The following SUPT3H variants were observed in gnomAD, a reference collection of about 807,000 sequenced individuals.
SUPT3H encodes the protein transcription initiation protein SPT3 homolog.
SUPT3H carries 44 observed loss-of-function variants against 44.3 expected under a neutral mutation model. The observed-to-expected ratio is 0.99, with a 90% CI of 0.78 to 1.28. The LOEUF (loss-of-function observed/expected upper bound fraction) is 1.28. Among genes scored for constraint, SUPT3H ranks in the 50% most tolerant of loss-of-function variants. The pLI is 0.00. For synonymous variants in SUPT3H, 124 were observed against 125.6 expected (o/e 0.99, Z 0.09); for missense variants, 380 against 387.1 (o/e 0.98, Z 0.15).
At chr6:45,211,924 G>A (rs1764161416) in intron 2 of SUPT3H, among the ~76,000 whole-genome samples, 1 of 151,596 alleles carries the variant, frequency 6.6e-6, no homozygotes, top group African/African-American at 2.4e-5. Context: ...AGCACTTTGG[G>A]AGGCTGAGGT....
chr6:45,208,414 T>A (rs1176716093), intron 2 of SUPT3H, among the ~76,000 whole-genome samples: 1 of 152,180 alleles, frequency 6.6e-6, no homozygotes, highest in Non-Finnish European at 1.5e-5. Flanking sequence ...AGATCACTGA[T>A]GAAGATGGCT....
chr6:45,252,259 TGAGA>T (rs1302724443), intron 2 of SUPT3H, among the ~76,000 whole-genome samples: 1 of 152,186 alleles, frequency 6.6e-6, no homozygotes, highest in Admixed American at 6.5e-5. Context: ...TCACAGTTCA[TGAGA>T]GAGAGGTAAA....
chr6:45,248,513 T>C (rs892136503), intron 2 of SUPT3H, among the ~76,000 whole-genome samples: 1 of 152,008 alleles, frequency 6.6e-6, no homozygotes, highest in African/African-American at 2.4e-5. Context: ...CACTAGGAAA[T>C]GCAAAAGAAA....
rs187989582 is a variant in SUPT3H at position 45,033,817 on chromosome 6, G to C, written c.187-13185C>G. 4.7e-4 allele frequency among the ~76,000 whole-genome samples: 71 copies of C among 152,242 alleles called. No homozygotes were observed. In the East Asian group the frequency reaches 8.7e-3, roughly 19 times the overall value. On this transcript the variant is annotated intron_variant, in intron 3 of 10. Coordinates refer to ENST00000371459, the MANE Select transcript of SUPT3H (RefSeq NM_003599.4). Reference sequence around the variant, plus strand: ...CCTACCCATCTTGAGTTAGTGTTCAGTTAGATACTAGCCATGATGAATTTT... The same window carrying C: ...CCTACCCATCTTGAGTTAGTGTTCACTTAGATACTAGCCATGATGAATTTT...
chr6:45,308,479 C>T (rs7381990), intron 2 of SUPT3H, among the ~76,000 whole-genome samples: 1 of 152,140 alleles, frequency 6.6e-6, no homozygotes, highest in Non-Finnish European at 1.5e-5. Context: ...CCCAGAATTG[C>T]ATATCCAGCC....
intron 2 of SUPT3H, among the ~76,000 whole-genome samples, chr6:45,324,104 C>T (rs566690022): frequency 1.4e-4 from 21 of 151,930 alleles, no homozygotes; most frequent in Non-Finnish European, 2.6e-4. Flanking sequence ...TCTGCAAGTT[C>T]TCGCCTTTTT....
chr6:45,033,402 C>A (rs996915379), intron 3 of SUPT3H, among the ~76,000 whole-genome samples: 2 of 152,044 alleles, frequency 1.3e-5, no homozygotes, highest in Non-Finnish European at 2.9e-5. Flanking sequence ...CTAGTATAGG[C>A]CAGTCATGGG....
At chr6:45,227,524 C>G (rs940843898) in intron 2 of SUPT3H, among the ~76,000 whole-genome samples, 3 of 152,166 alleles carry the variant, frequency 2.0e-5, no homozygotes, top group Admixed American at 2.0e-4. Context: ...TAGTTTTAAA[C>G]TATTTCCAGG....
chr6:45,236,896 C>T (rs987335209), intron 2 of SUPT3H, among the ~76,000 whole-genome samples: 6 of 152,120 alleles, frequency 3.9e-5, no homozygotes, highest in African/African-American at 1.4e-4. Flanking sequence ...TCAGATGTTG[C>T]CAGTGGGGAC....
chr6:45,220,696 C>T (rs890463584), intron 2 of SUPT3H, among the ~76,000 whole-genome samples: 1 of 152,120 alleles, frequency 6.6e-6, no homozygotes, highest in African/African-American at 2.4e-5. Context: ...TCTACAAAAG[C>T]CTCCTGGAAA....
chr6:45,119,781 A>C (rs1395633238), intron 2 of SUPT3H, among the ~76,000 whole-genome samples: 2 of 152,198 alleles, frequency 1.3e-5, no homozygotes, highest in Non-Finnish European at 2.9e-5. Context: ...AAATTTCATT[A>C]AACTTGGTAT....
chr6:45,160,690 T>A (rs919858212), intron 2 of SUPT3H, among the ~76,000 whole-genome samples: 4 of 151,266 alleles, frequency 2.6e-5, no homozygotes, highest in Admixed American at 2.6e-4. Flanking sequence ...AGGAAAAAAA[T>A]TAATGAACAC....
chr6:45,214,486 ACT>A lies in SUPT3H; in HGVS notation c.102-108482_102-108481del, dbSNP rs750732144. Among the ~76,000 whole-genome samples, 12 of 152,258 alleles carry A rather than the reference ACT, an allele frequency of 7.9e-5. No individual in the cohort carries two copies. In the East Asian group the frequency reaches 1.5e-3, roughly 20 times the overall value. On this transcript the variant is annotated intron_variant, in intron 2 of 10. Transcript: ENST00000371459. The stretch of plus-strand genomic sequence containing the variant: ...ACAGAAACTTGTATCTAATAATTAA[ACT>A]CTTCATGTAAAACACTGAAAATAAA...
chr6:45,105,755 C>T (rs1400200947), intron 3 of SUPT3H, among the ~76,000 whole-genome samples, 167 bp downstream of exon 3: 1 of 152,024 alleles, frequency 6.6e-6, no homozygotes, highest in East Asian at 1.9e-4. Flanking sequence ...TGAGGCTCAG[C>T]AAATTATGCA....
chr6:44,905,985 T>C (rs1193100331), intron 10 of SUPT3H, among the ~76,000 whole-genome samples: 3 of 150,910 alleles, frequency 2.0e-5, no homozygotes, highest in Non-Finnish European at 3.0e-5. Context: ...TGAGAACACA[T>C]AGACACAGGA....
intron 9 of SUPT3H, among the ~76,000 whole-genome samples, chr6:44,949,967 T>C (rs1411811524): frequency 6.6e-6 from 1 of 152,218 alleles, no homozygotes; most frequent in East Asian, 1.9e-4. Context: ...CATTTGTCCT[T>C]CCAGACTTGT....
rs192487201 is a variant in SUPT3H, at chr6:45,020,666, G to C, written c.187-34C>G. 1.3e-4 allele frequency: 199 copies of C among 1,522,594 alleles called. No individual in the cohort carries two copies. The African/African-American group carries it at 2.5e-3, about 19-fold the overall frequency. The allele number at this position is 1,522,594 out of a possible 1,614,324, so 94.3% of individuals were successfully genotyped here. On this transcript the variant is annotated intron_variant, in intron 3 of 10. Coordinates refer to ENST00000371459, the MANE Select transcript of SUPT3H (RefSeq NM_003599.4). ...AATGAAAATTTAGAAATTTTTCTCAGTAACACAAATTATATATAGTACAGT... is the reference window on the plus strand; with the variant it reads ...AATGAAAATTTAGAAATTTTTCTCACTAACACAAATTATATATAGTACAGT...
intron 2 of SUPT3H, among the ~76,000 whole-genome samples, chr6:45,364,923 G>C (rs1794869984): frequency 1.3e-5 from 2 of 152,052 alleles, no homozygotes; most frequent in Admixed American, 6.6e-5. Context: ...CACAGACTCA[G>C]GCAAATAATT....
intron 2 of SUPT3H, among the ~76,000 whole-genome samples, chr6:45,241,244 T>C (rs1331796900): frequency 6.6e-6 from 1 of 152,046 alleles, no homozygotes; most frequent in East Asian, 1.9e-4. Flanking sequence ...GCCCCAAAAC[T>C]GGCCATAAAC....
Sources: gnomAD v4.1 joint callset for allele counts (sites outside exome capture counted in the v4.1 genomes callset) on GRCh38, gnomAD v4.1.1 for gene constraint, MANE v1.5 for transcripts, NCBI Gene and HGNC (gene_info 2026-07-23, HGNC 2026-07-21) for gene names.